METTL15: variants seen among roughly 807,000 people sequenced by gnomAD.
The protein encoded by METTL15 is methyltransferase 15, mitochondrial 12S rRNA N4-cytidine, also known as 12S rRNA N(4)-cytidine methyltransferase METTL15.
A neutral mutation model predicts 38.3 loss-of-function variants in METTL15; 34 were observed. The observed-to-expected ratio is 0.89, with a 90% CI of 0.68 to 1.18. The LOEUF (loss-of-function observed/expected upper bound fraction) is 1.18, where lower values mean the gene tolerates loss of function less well. METTL15 is among the 50% of genes most tolerant of loss of function. The probability of loss-of-function intolerance (pLI) is 0.00; values close to 1 mark genes in which losing one functional copy is unlikely to be tolerated. For missense variants in METTL15, 438 were observed against 498.4 expected, an observed-to-expected ratio of 0.88 and a Z score of 1.15; for synonymous variants, 162 against 170.9, an observed-to-expected ratio of 0.95 and a Z score of 0.41.
At chr11:28,118,310 TA>T (rs1852062992) in intron 3 of METTL15, among the ~76,000 whole-genome samples, 1 of 152,208 alleles carries the variant, frequency 6.6e-6, no homozygotes, top group Non-Finnish European at 1.5e-5. Flanking sequence ...GTTTTTCAAA[TA>T]CACTTAAAAT....
chr11:28,393,591 C>T (rs1371450896), intron 5 of METTL15, among the ~76,000 whole-genome samples: 1 of 151,958 alleles, frequency 6.6e-6, no homozygotes, highest in Non-Finnish European at 1.5e-5. Flanking sequence ...GGCAGACAGC[C>T]TCTCTACCTG....
rs543603552 is a variant in METTL15, at chr11:28,148,721, A to G, written c.270+35117A>G. Among the ~76,000 whole-genome samples, 5 of 152,044 alleles carry G rather than the reference A, an allele frequency of 3.3e-5. No homozygotes were observed. The South Asian group carries it at 1.0e-3, about 32-fold the overall frequency. ...TTTATCACATGTAAGTCACCAAGGG[A>G]TTGAGATAAACTGATTTTATTTCAA... On this transcript the variant is annotated intron_variant, in intron 3 of 6. Transcript: ENST00000407364.
chr11:28,505,367 G>C (rs1469528569), intron 6 of METTL15, among the ~76,000 whole-genome samples: 2 of 152,164 alleles, frequency 1.3e-5, no homozygotes, highest in African/African-American at 4.8e-5. Flanking sequence ...ATTCCAAGCA[G>C]GACGATTTAC....
downstream of METTL15, among the ~76,000 whole-genome samples, chr11:28,529,037 T>C (rs920029384): frequency 5.3e-5 from 8 of 152,098 alleles, no homozygotes; most frequent in Non-Finnish European, 1.2e-4. Flanking sequence ...CTAGGGTCCA[T>C]GAATGGAGTG....
intron 6 of METTL15, chr11:28,327,675 T>C (rs1300584868): frequency 6.5e-6 from 1 of 154,694 alleles, no homozygotes; most frequent in Non-Finnish European, 1.4e-5. Flanking sequence ...AGGAAGGTGC[T>C]ATTTTAGCTA....
At chr11:28,368,682 A>G (rs979020923) in intron 5 of METTL15, among the ~76,000 whole-genome samples, 5 of 152,104 alleles carry the variant, frequency 3.3e-5, no homozygotes, top group African/African-American at 1.2e-4. Flanking sequence ...AAATCATTCT[A>G]CTATAAAGAT....
chr11:28,213,660 T>A (rs1852736829), intron 4 of METTL15, among the ~76,000 whole-genome samples: 1 of 145,032 alleles, frequency 6.9e-6, no homozygotes, highest in Non-Finnish European at 1.5e-5. Flanking sequence ...CTTTTTTTCT[T>A]TTTTTTTTTT....
intron 6 of METTL15, among the ~76,000 whole-genome samples, chr11:28,458,796 T>C (rs1851191323): frequency 6.6e-6 from 1 of 152,234 alleles, no homozygotes; most frequent in African/African-American, 2.4e-5. Context: ...AATATATTTC[T>C]CTTTTTCTTA....
At chr11:28,371,539 G>A (rs1850243199) in intron 5 of METTL15, among the ~76,000 whole-genome samples, 1 of 151,742 alleles carries the variant, frequency 6.6e-6, no homozygotes, top group Non-Finnish European at 1.5e-5. Flanking sequence ...TACTTTTTTA[G>A]GAATGTTTTC....
At chr11:28,459,787 A>G (rs575142833) in intron 6 of METTL15, among the ~76,000 whole-genome samples, 7 of 152,266 alleles carry the variant, frequency 4.6e-5, no homozygotes, top group Admixed American at 2.6e-4. Context: ...AAACAGAACC[A>G]GTTGGAGATA....
intron 3 of METTL15, among the ~76,000 whole-genome samples, chr11:28,172,816 C>G (rs1053067926): frequency 4.6e-5 from 7 of 152,176 alleles, no homozygotes; most frequent in Non-Finnish European, 8.8e-5. Flanking sequence ...AAATAGCATA[C>G]AGAGCTATGA....
At chr11:28,489,659 C>T (rs1260173195) in intron 6 of METTL15, among the ~76,000 whole-genome samples, 1 of 152,106 alleles carries the variant, frequency 6.6e-6, no homozygotes, top group East Asian at 1.9e-4. Context: ...GGAGAAGTTG[C>T]TCATGGGAAA....
At chr11:28,123,213 C>T (rs1282740628) in intron 3 of METTL15, among the ~76,000 whole-genome samples, 2 of 152,126 alleles carry the variant, frequency 1.3e-5, no homozygotes, top group Admixed American at 6.6e-5. Flanking sequence ...ACTTGTTACT[C>T]TCTAGGTCAG....
chr11:28,198,122 G>T, intron 3 of METTL15, among the ~76,000 whole-genome samples: 1 of 152,010 alleles, frequency 6.6e-6, no homozygotes, highest in East Asian at 1.9e-4. Flanking sequence ...TGAATTTCTT[G>T]ATAATGTAGA....
At chr11:28,140,621 T>C (rs1000292964) in intron 3 of METTL15, among the ~76,000 whole-genome samples, 3 of 152,208 alleles carry the variant, frequency 2.0e-5, no homozygotes, top group African/African-American at 4.8e-5. Flanking sequence ...TCTTGTCTCA[T>C]GACCAGGAAG....
intron 3 of METTL15, among the ~76,000 whole-genome samples, chr11:28,141,597 G>A (rs975916756): frequency 2.0e-5 from 3 of 152,136 alleles, no homozygotes; most frequent in Admixed American, 1.3e-4. Context: ...GCTGAGTTGG[G>A]AGGATCGCTT....
At chr11:28,449,567 C>T (rs943697476) in intron 6 of METTL15, among the ~76,000 whole-genome samples, 1 of 152,146 alleles carries the variant, frequency 6.6e-6, no homozygotes, top group Non-Finnish European at 1.5e-5. Flanking sequence ...TAGCAATTAA[C>T]GATGGCTGCA....
intron 4 of METTL15, among the ~76,000 whole-genome samples, chr11:28,353,538 T>C (rs888730372): frequency 2.6e-4 from 39 of 152,110 alleles, no homozygotes; most frequent in African/African-American, 9.4e-4. Context: ...AGCCAGTGAA[T>C]GAAGGAAAGA....
intron 3 of METTL15, among the ~76,000 whole-genome samples, chr11:28,136,293 A>G (rs1849511512): frequency 6.6e-6 from 1 of 152,124 alleles, no homozygotes; most frequent in Admixed American, 6.6e-5. Context: ...AATTTTCCCT[A>G]TACTGTTCTC....
Sources: allele counts gnomAD v4.1 joint callset (sites outside exome capture counted in the v4.1 genomes callset), GRCh38; gene constraint gnomAD v4.1.1; transcripts MANE v1.5; gene names NCBI Gene and HGNC (gene_info 2026-07-23, HGNC 2026-07-21).